The following BORCS5 variants were observed in gnomAD, a reference collection of about 807,000 sequenced individuals.
BORCS5 encodes BLOC-1 related complex subunit 5, also known as BLOC-1-related complex subunit 5.
In BORCS5, 17 loss-of-function variants were observed where a neutral mutation model predicts 22.1. That is an observed-to-expected ratio of 0.77 (90% confidence interval 0.53 to 1.15). The LOEUF is 1.15. BORCS5 is among the 50% of genes most tolerant of loss of function. BORCS5 has a pLI of 0.00. For missense variants in BORCS5, 247 were observed against 253.2 expected, an observed-to-expected ratio of 0.98 and a Z score of 0.17; for synonymous variants, 117 against 99.8, an observed-to-expected ratio of 1.17 and a Z score of -1.03.
At chr12:12,364,626 A>T (rs1324636949) in intron 2 of BORCS5, among the ~76,000 whole-genome samples, 1 of 152,160 alleles carries the variant, frequency 6.6e-6, no homozygotes, top group African/African-American at 2.4e-5. Flanking sequence ...TAGTAGGGGA[A>T]ATATCTAGAA....
At chr12:12,378,545 C>T (rs7303550) in intron 2 of BORCS5, among the ~76,000 whole-genome samples, 14,070 of 151,398 alleles carry the variant, frequency 0.093, 2,235 homozygotes, top group African/African-American at 0.31. Context: ...AATAACTAAC[C>T]GGTTTTCTTT....
intron 2 of BORCS5, among the ~76,000 whole-genome samples, chr12:12,426,510 T>C (rs771763629): frequency 2.0e-5 from 3 of 152,246 alleles, no homozygotes; most frequent in Non-Finnish European, 2.9e-5. Context: ...TGACATCCTC[T>C]GTTCTTGTTT....
At chr12:12,381,591 TATCTAAAAAGTC>T (rs1863776310) in intron 2 of BORCS5, among the ~76,000 whole-genome samples, 1 of 151,580 alleles carries the variant, frequency 6.6e-6, no homozygotes, top group South Asian at 2.1e-4. Flanking sequence ...TTTGGTGTTG[TATCTAAAAAGTC>T]ATCACCAAAT....
At chr12:12,402,188 A>G (rs576073927) in intron 2 of BORCS5, among the ~76,000 whole-genome samples, 1 of 152,332 alleles carries the variant, frequency 6.6e-6, no homozygotes, top group East Asian at 1.9e-4. Context: ...GGAGTACAAA[A>G]TCTTGGTGCA....
chr12:12,434,819 G>A (rs1269371864), intron 2 of BORCS5, among the ~76,000 whole-genome samples: 1 of 152,096 alleles, frequency 6.6e-6, no homozygotes, highest in East Asian at 1.9e-4. Context: ...AGCTCTTTGG[G>A]GTCCTTGGTA....
rs1054910360 is a variant in BORCS5 at position 12,382,680 on chromosome 12, G to C, written c.202+21331G>C. On this transcript the variant is annotated intron_variant, in intron 2 of 3. Coordinates refer to ENST00000314565, the MANE Select transcript of BORCS5 (RefSeq NM_058169.6). ...CCCAAGTAGCTGGGATTACAGGCGC[G>C]TGCCAGCATGCCTGTCTAATTTTTG... Among the ~76,000 whole-genome samples the C allele has an allele frequency of 4.0e-5, 6 of 150,606 alleles. 1 individual carries two copies. The highest frequency in any genetic ancestry group is 8.9e-5 in the Non-Finnish European group (6 of 67,390).
chr12:12,464,305 T>C (rs1383280636), intron 3 of BORCS5, among the ~76,000 whole-genome samples: 1 of 152,104 alleles, frequency 6.6e-6, no homozygotes, highest in African/African-American at 2.4e-5. Context: ...GCAACACTGA[T>C]GTGCTTCGGT....
intron 2 of BORCS5, among the ~76,000 whole-genome samples, chr12:12,370,220 A>G (rs1388349980): frequency 6.6e-6 from 1 of 152,084 alleles, no homozygotes; most frequent in Non-Finnish European, 1.5e-5. Flanking sequence ...CCACATAGTT[A>G]ACATTTCCAG....
At chr12:12,418,731 C>T (rs1942037858) in intron 2 of BORCS5, among the ~76,000 whole-genome samples, 2 of 152,122 alleles carry the variant, frequency 1.3e-5, no homozygotes, top group South Asian at 4.1e-4. Context: ...TCTTTTTCAT[C>T]CATTTTCAGC....
intron 2 of BORCS5, among the ~76,000 whole-genome samples, chr12:12,424,878 C>G (rs1942239337): frequency 6.6e-6 from 1 of 152,074 alleles, no homozygotes; most frequent in Non-Finnish European, 1.5e-5. Context: ...TCTTTAATGT[C>G]CGGGTCCCAG....
rs61923567 is a variant in BORCS5 at position 12,388,941 on chromosome 12, A to G, written c.202+27592A>G. ...GCAGTAAGTTCTCGCAAGAGGCTAC[A>G]GTTCCGAGGCCTATTTATTTTGGCC... On this transcript the variant is annotated intron_variant, in intron 2 of 3. Coordinates refer to ENST00000314565, the MANE Select transcript of BORCS5 (RefSeq NM_058169.6). Among the ~76,000 whole-genome samples, 339 of 151,190 alleles carry G rather than the reference A, an allele frequency of 2.2e-3. 9 individuals carry two copies. Among genetic ancestry groups the G allele is most frequent in the Admixed American group, 4.9e-3 (74 of 15,166 alleles).
At chr12:12,421,384 A>G (rs1472201081) in intron 2 of BORCS5, among the ~76,000 whole-genome samples, 1 of 152,220 alleles carries the variant, frequency 6.6e-6, no homozygotes, top group African/African-American at 2.4e-5. Flanking sequence ...CCAGCCTTGC[A>G]TCCCAGGGAT....
intron 3 of BORCS5, among the ~76,000 whole-genome samples, chr12:12,460,097 A>G (rs1405862288): frequency 6.6e-6 from 1 of 152,206 alleles, no homozygotes; most frequent in Non-Finnish European, 1.5e-5. Context: ...CTCTTAATCA[A>G]TTTGGCAAGC....
intron 2 of BORCS5, among the ~76,000 whole-genome samples, chr12:12,424,835 C>T (rs999936226): frequency 6.6e-6 from 1 of 152,024 alleles, no homozygotes; most frequent in African/African-American, 2.4e-5. Flanking sequence ...TTCTAATTTC[C>T]CCTATATATG....
intron 2 of BORCS5, among the ~76,000 whole-genome samples, chr12:12,416,428 C>T (rs1030052502): frequency 6.6e-6 from 1 of 151,394 alleles, no homozygotes; most frequent in African/African-American, 2.4e-5. Context: ...GGTGTGAGAT[C>T]TTTCTTTTTA....
chr12:12,373,449 T>C (rs1464323622), intron 2 of BORCS5, among the ~76,000 whole-genome samples: 2 of 152,256 alleles, frequency 1.3e-5, no homozygotes, highest in East Asian at 3.8e-4. Flanking sequence ...ATCAAAGTCC[T>C]GTGCTGCCTG....
chr12:12,406,298 T>G (rs1941593185), intron 2 of BORCS5, among the ~76,000 whole-genome samples: 2 of 152,234 alleles, frequency 1.3e-5, no homozygotes, highest in African/African-American at 2.4e-5. Flanking sequence ...TTAGTAGACT[T>G]CGTGTGTGGA....
intron 3 of BORCS5, among the ~76,000 whole-genome samples, chr12:12,464,159 G>C (rs1943158542): frequency 6.6e-6 from 1 of 151,750 alleles, no homozygotes; most frequent in African/African-American, 2.4e-5. Context: ...ACCCCGGAAA[G>C]TGTGCATTGT....
chr12:12,415,571 G>GGGGGAA (rs1941922164), intron 2 of BORCS5, among the ~76,000 whole-genome samples: 13 of 100,958 alleles, frequency 1.3e-4, no homozygotes, highest in Non-Finnish European at 1.9e-4. Flanking sequence ...GGGAGGGGGA[G>GGGGGAA]GGGGAGGGGC....
Sources: allele counts gnomAD v4.1 joint callset (sites outside exome capture counted in the v4.1 genomes callset), GRCh38; gene constraint gnomAD v4.1.1; transcripts MANE v1.5; gene names NCBI Gene and HGNC (gene_info 2026-07-23, HGNC 2026-07-21).